Variants in CAMK4 observed in about 807,000 individuals in gnomAD.
CAMK4 encodes calcium/calmodulin dependent protein kinase IV.
CAMK4 carries 22 observed loss-of-function variants against 44.9 expected under a neutral mutation model. The observed-to-expected ratio is 0.49, with a 90% CI of 0.35 to 0.70. CAMK4 has a LOEUF of 0.70. CAMK4 is among the 30% of genes least tolerant of loss of function. The pLI is 0.01. For missense variants in CAMK4, 498 were observed against 586.8 expected, an observed-to-expected ratio of 0.85 and a Z score of 1.56; for synonymous variants, 218 against 215.4, an observed-to-expected ratio of 1.01 and a Z score of -0.11.
chr5:111,482,850 G>A lies in CAMK4; in HGVS notation c.894G>A (p.Pro298=), dbSNP rs780008559. 4.3e-5 allele frequency: 69 copies of A among 1,612,778 alleles called. No homozygotes were observed. Among genetic ancestry groups the A allele is most frequent in the Non-Finnish European group, 5.2e-5 (61 of 1,179,446 alleles). ...RLTTFQALQH[P]WVTGKAANFV... ...CTACATTTCAAGCTCTCCAGCATCC[G>A]TGGGTCACAGGTAAAGCAGCCAATT... The change falls in exon 10 of 11, where the codon CCG becomes CCA. Residue 298 remains proline, a synonymous_variant. Coordinates refer to ENST00000282356, the MANE Select transcript of CAMK4 (RefSeq NM_001744.6). The surrounding 1 kb of genome is among the most constrained non-coding windows in gnomAD (Gnocchi z 4.9).
chr5:111,407,347 T>TAA (rs11410135), intron 5 of CAMK4, among the ~76,000 whole-genome samples: 407 of 136,722 alleles, frequency 3.0e-3, no homozygotes, highest in Middle Eastern at 0.023. Flanking sequence ...AGAGACTCCT[T>TAA]AAAAAAAAAA....
intron 5 of CAMK4, among the ~76,000 whole-genome samples, chr5:111,412,501 G>A (rs1214644304): frequency 1.3e-5 from 2 of 152,168 alleles, no homozygotes; most frequent in African/African-American, 4.8e-5. Context: ...AATCAAACCA[G>A]CCTCAGTCCT....
rs1259716862 is a variant in CAMK4 at position 111,467,096 on chromosome 5, C to G, written c.626-6215C>G. On this transcript the variant is annotated intron_variant, in intron 7 of 10. Coordinates refer to ENST00000282356, the MANE Select transcript of CAMK4 (RefSeq NM_001744.6). ...AAAAACAAAGCGGGGAAAGGATACCCTATTCGACAAATGGTGATGGGATAA... is the reference window on the plus strand; with the variant it reads ...AAAAACAAAGCGGGGAAAGGATACCGTATTCGACAAATGGTGATGGGATAA... 9.2e-5 allele frequency among the ~76,000 whole-genome samples: 14 copies of G among 152,142 alleles called. No individual in the cohort carries two copies. In the East Asian group the frequency reaches 2.5e-3, roughly 27 times the overall value.
At chr5:111,450,561 G>T (rs7722931) in intron 7 of CAMK4, among the ~76,000 whole-genome samples, 3,851 of 120,246 alleles carry the variant, frequency 0.032, 669 homozygotes, top group African/African-American at 0.13. Flanking sequence ...GCCGAGGTGG[G>T]TGGATCACCT....
At chr5:111,390,814 C>A (rs1005509517) in intron 4 of CAMK4, among the ~76,000 whole-genome samples, 2 of 152,028 alleles carry the variant, frequency 1.3e-5, no homozygotes, top group African/African-American at 4.8e-5. Context: ...CCGGGTATCC[C>A]CATGAAGCCT....
chr5:111,390,155 A>T lies in CAMK4; in HGVS notation c.387-4555A>T, dbSNP rs183102768. ...TGAATAATCATTCCCTAGATATTGTAATCTATTTTCTCCTTTCATTTGACC... is the reference window on the plus strand; with the variant it reads ...TGAATAATCATTCCCTAGATATTGTTATCTATTTTCTCCTTTCATTTGACC... On this transcript the variant is annotated intron_variant, in intron 4 of 10. Coordinates refer to ENST00000282356, the MANE Select transcript of CAMK4 (RefSeq NM_001744.6). 2.0e-4 allele frequency among the ~76,000 whole-genome samples: 31 copies of T among 152,306 alleles called. No individual in the cohort carries two copies. The East Asian group carries it at 5.6e-3, about 27-fold the overall frequency.
intron 5 of CAMK4, among the ~76,000 whole-genome samples, chr5:111,397,742 A>T (rs1203262577): frequency 6.7e-6 from 1 of 148,394 alleles, no homozygotes; most frequent in African/African-American, 2.5e-5. Flanking sequence ...TTCTAGTTCT[A>T]TCACATACTG....
In CAMK4 at chr5:111,492,849, G is replaced by C. The variant is rs577710267; in HGVS notation, c.*8383G>C. 1.1e-4 allele frequency: 17 copies of C among 152,230 alleles called. No individual in the cohort carries two copies. Among genetic ancestry groups the C allele is most frequent in the African/African-American group, 3.6e-4 (15 of 41,560 alleles). 9.4% of individuals were successfully genotyped at this position (152,230 alleles called of 1,614,324 possible). On this transcript the variant is annotated 3_prime_UTR_variant, in exon 11 of 11. Coordinates refer to ENST00000282356, the MANE Select transcript of CAMK4 (RefSeq NM_001744.6). ...AACCTGTACATATATAACCTATGCT[G>C]CATTTAGGCAGATGATAAGCCCTAG...
At chr5:111,326,043 G>A (rs969588940) in intron 1 of CAMK4, among the ~76,000 whole-genome samples, 1 of 151,938 alleles carries the variant, frequency 6.6e-6, no homozygotes, top group Admixed American at 6.6e-5. Context: ...ACATTAAGAA[G>A]CTAAATAAAT....
intron 8 of CAMK4, among the ~76,000 whole-genome samples, chr5:111,475,762 C>A (rs376374629): frequency 6.6e-6 from 1 of 152,120 alleles, no homozygotes; most frequent in South Asian, 2.1e-4. Context: ...TTGGTGAAGT[C>A]CACTGGCACG....
At chr5:111,418,353 A>G (rs1752887961) in intron 5 of CAMK4, among the ~76,000 whole-genome samples, 1 of 152,236 alleles carries the variant, frequency 6.6e-6, no homozygotes, top group South Asian at 2.1e-4. Flanking sequence ...AGGCAGGACA[A>G]GATCACAGGA....
intron 8 of CAMK4, among the ~76,000 whole-genome samples, chr5:111,477,744 A>G (rs1488025254): frequency 6.6e-6 from 1 of 152,064 alleles, no homozygotes; most frequent in Non-Finnish European, 1.5e-5. Context: ...GACTATATTA[A>G]TCTTATACAT....
At chr5:111,374,785 C>G in intron 2 of CAMK4, 65 bp from the exon 3 acceptor site, 1 of 1,016,042 alleles carries the variant, frequency 9.8e-7, no homozygotes, top group African/African-American at 1.6e-5. Context: ...ATTGCTGTTT[C>G]TATTTCTCTG....
rs1755636350 is a variant in CAMK4 at position 111,486,542 on chromosome 5, C to CGT, written c.*2079_*2080dup. 3 of 147,244 alleles carry CGT rather than the reference C, an allele frequency of 2.0e-5. No individual in the cohort carries two copies. The highest frequency in any genetic ancestry group is 3.0e-5 in the Non-Finnish European group (2 of 67,220). The allele number at this position is 147,244 out of a possible 1,614,324, so 9.1% of individuals were successfully genotyped here. On this transcript the variant is annotated 3_prime_UTR_variant, in exon 11 of 11. Coordinates refer to ENST00000282356, the MANE Select transcript of CAMK4 (RefSeq NM_001744.6). ...ACACACACACACACACACACACACA[C>CGT]GTGTTGGAAGAGCAAAGAGAGGGAA... is the stretch of plus-strand genomic sequence containing the variant.
intron 2 of CAMK4, among the ~76,000 whole-genome samples, chr5:111,356,253 G>A (rs1241308990): frequency 2.0e-5 from 3 of 151,380 alleles, no homozygotes; most frequent in East Asian, 3.9e-4. Flanking sequence ...CTGATGGCCA[G>A]TGATGATGAG....
At chr5:111,390,759 A>G (rs1300164349) in intron 4 of CAMK4, among the ~76,000 whole-genome samples, 2 of 152,194 alleles carry the variant, frequency 1.3e-5, no homozygotes, top group Non-Finnish European at 2.9e-5. Flanking sequence ...ACTTGTTCTG[A>G]AAAATCAAAA....
chr5:111,227,815 C>G (rs1163041048), intron 1 of CAMK4, among the ~76,000 whole-genome samples: 1 of 152,190 alleles, frequency 6.6e-6, no homozygotes, highest in African/African-American at 2.4e-5. Flanking sequence ...CTGTTTTGTT[C>G]ATAGAGTTTT....
chr5:111,337,878 T>G (rs1749474115), intron 1 of CAMK4, among the ~76,000 whole-genome samples: 1 of 151,134 alleles, frequency 6.6e-6, no homozygotes, highest in African/African-American at 2.4e-5. Context: ...AACTATGTTT[T>G]TGGAGCAATG....
intron 1 of CAMK4, among the ~76,000 whole-genome samples, chr5:111,309,605 T>G (rs1001778498): frequency 2.0e-5 from 3 of 152,158 alleles, no homozygotes; most frequent in African/African-American, 7.2e-5. Context: ...GTCATCCTCC[T>G]GGCTTTTTCT....
Sources: allele counts gnomAD v4.1 joint callset (sites outside exome capture counted in the v4.1 genomes callset), GRCh38; gene constraint gnomAD v4.1.1; non-coding constraint Gnocchi (gnomAD v3.1); transcripts MANE v1.5; gene names NCBI Gene and HGNC (gene_info 2026-07-23, HGNC 2026-07-21).